Variants in SORCS2 observed in about 807,000 individuals in gnomAD.
The protein encoded by SORCS2 is VPS10 domain-containing receptor SorCS2.
In SORCS2, 100 loss-of-function variants were observed where a neutral mutation model predicts 141.6. The observed-to-expected ratio is 0.71, with a 90% CI of 0.60 to 0.83. The LOEUF (loss-of-function observed/expected upper bound fraction) is 0.83, where lower values mean the gene tolerates loss of function less well. Among genes scored for constraint, SORCS2 ranks in the 40% least tolerant of loss-of-function variants. The pLI, the probability that SORCS2 is intolerant of heterozygous loss-of-function variation, is 0.00. For synonymous variants in SORCS2, 789 were observed against 676.9 expected (o/e 1.17, Z -2.57); for missense variants, 1,646 against 1,560.2 (o/e 1.05, Z -0.93).
chr4:7,287,374 G>T (rs535043952), intron 1 of SORCS2, among the ~76,000 whole-genome samples: 2 of 152,370 alleles, frequency 1.3e-5, no homozygotes, highest in African/African-American at 4.8e-5. Context: ...CGGGTTCTCA[G>T]TCTGGCAGTC....
At chr4:7,235,257 T>C (rs1712185509) in intron 1 of SORCS2, among the ~76,000 whole-genome samples, 1 of 152,228 alleles carries the variant, frequency 6.6e-6, no homozygotes, top group African/African-American at 2.4e-5. Context: ...ACCCTTCTGC[T>C]GCCCGCGCCA....
At chr4:7,672,012 C>A (rs1270753446) in intron 8 of SORCS2, among the ~76,000 whole-genome samples, 1 of 149,510 alleles carries the variant, frequency 6.7e-6, no homozygotes, top group East Asian at 2.0e-4. Context: ...GGTACAATCT[C>A]AGCTCACTGC....
intron 3 of SORCS2, among the ~76,000 whole-genome samples, chr4:7,596,196 C>T (rs1017490685): frequency 6.6e-5 from 10 of 152,088 alleles, no homozygotes; most frequent in African/African-American, 2.4e-4. Context: ...GATTTGTGAG[C>T]CTTGTATAGA....
intron 2 of SORCS2, among the ~76,000 whole-genome samples, chr4:7,526,150 A>G (rs1321590667): frequency 6.6e-6 from 1 of 152,270 alleles, no homozygotes; most frequent in Non-Finnish European, 1.5e-5. Context: ...CCATTCAGGC[A>G]GATTCCACAT....
intron 1 of SORCS2, among the ~76,000 whole-genome samples, chr4:7,247,898 C>G (rs775197355): frequency 1.1e-4 from 16 of 152,188 alleles, no homozygotes; most frequent in African/African-American, 3.6e-4. Flanking sequence ...AGCTCCCACT[C>G]AGATCCTAGG....
chr4:7,576,334 C>T (rs1715750327), intron 3 of SORCS2, among the ~76,000 whole-genome samples: 1 of 152,184 alleles, frequency 6.6e-6, no homozygotes, highest in Non-Finnish European at 1.5e-5. Flanking sequence ...ATAAGAGCAC[C>T]CTTCCAGCAA....
intron 1 of SORCS2, among the ~76,000 whole-genome samples, chr4:7,300,160 G>A (rs2066363376): frequency 1.3e-5 from 2 of 152,162 alleles, no homozygotes; most frequent in South Asian, 2.1e-4. Flanking sequence ...TGCAGGAGCC[G>A]AGCTGGGTTC....
chr4:7,496,859 T>C (rs1427741739), intron 2 of SORCS2, among the ~76,000 whole-genome samples: 2 of 152,104 alleles, frequency 1.3e-5, no homozygotes, highest in African/African-American at 2.4e-5. Flanking sequence ...CGGGCACAAC[T>C]CAGCTTATCA....
At chr4:7,724,823 GC>G in intron 19 of SORCS2, among the ~76,000 whole-genome samples, 3 of 122,532 alleles carry the variant, frequency 2.4e-5, no homozygotes, top group African/African-American at 8.9e-5. Flanking sequence ...GGTGGTGATG[GC>G]AGTGATGATG....
intron 10 of SORCS2, among the ~76,000 whole-genome samples, chr4:7,683,117 C>A (rs983477416): frequency 1.4e-4 from 22 of 152,234 alleles, no homozygotes; most frequent in African/African-American, 5.3e-4. Flanking sequence ...CACAGAATTG[C>A]TGTGCAATAA....
intron 16 of SORCS2, among the ~76,000 whole-genome samples, chr4:7,714,626 AG>A (rs1429063271): frequency 6.6e-6 from 1 of 152,238 alleles, no homozygotes; most frequent in Non-Finnish European, 1.5e-5. Flanking sequence ...GCTCACAGGC[AG>A]GAGGAGAAAG....
At chr4:7,666,674 T>A (rs1179764287) in intron 7 of SORCS2, among the ~76,000 whole-genome samples, 4 of 152,144 alleles carry the variant, frequency 2.6e-5, no homozygotes, top group African/African-American at 9.7e-5. Context: ...TGGGAACAGA[T>A]GCCCATGGCC....
chr4:7,686,533 C>T (rs540184281), intron 10 of SORCS2, among the ~76,000 whole-genome samples: 1 of 152,352 alleles, frequency 6.6e-6, no homozygotes, highest in South Asian at 2.1e-4. Context: ...TCGGTCAACA[C>T]TGGAGCATTC....
chr4:7,312,065 T>G (rs1040425576), intron 1 of SORCS2, among the ~76,000 whole-genome samples: 1 of 151,998 alleles, frequency 6.6e-6, no homozygotes, highest in Non-Finnish European at 1.5e-5. Flanking sequence ...TTAGTAGAGA[T>G]GGAGTTTCAC....
At chr4:7,433,803 C>T (rs1240275633) in intron 2 of SORCS2, 5 of 1,613,612 alleles carry the variant, frequency 3.1e-6, no homozygotes, top group African/African-American at 2.7e-5. Context: ...TGAACTTGCA[C>T]ACCTTCTCTG....
intron 1 of SORCS2, among the ~76,000 whole-genome samples, chr4:7,242,011 C>G (rs114984059): frequency 0.017 from 2,591 of 152,228 alleles, 55 homozygotes; most frequent in African/African-American, 0.058. Flanking sequence ...GCAGAGGCTG[C>G]CGTTTGACTG....
At chr4:7,418,026 A>G (rs966239970) in intron 2 of SORCS2, among the ~76,000 whole-genome samples, 4 of 152,166 alleles carry the variant, frequency 2.6e-5, no homozygotes, top group African/African-American at 9.7e-5. Flanking sequence ...AGCCCTTACC[A>G]GGCACTTGGC....
intron 2 of SORCS2, among the ~76,000 whole-genome samples, chr4:7,520,721 C>T (rs985467001): frequency 3.3e-5 from 5 of 152,218 alleles, no homozygotes; most frequent in South Asian, 2.1e-4. Flanking sequence ...CCTCTGTTGC[C>T]GCCAGCCCTC....
chr4:7,635,498 T>TA (rs1720183462), intron 3 of SORCS2, among the ~76,000 whole-genome samples: 1 of 152,256 alleles, frequency 6.6e-6, no homozygotes, highest in Non-Finnish European at 1.5e-5. Context: ...TTCCCATTGA[T>TA]AAAATTATAC....
Sources: allele counts gnomAD v4.1 joint callset (sites outside exome capture counted in the v4.1 genomes callset), GRCh38; gene constraint gnomAD v4.1.1; transcripts MANE v1.5; gene names NCBI Gene and HGNC (gene_info 2026-07-23, HGNC 2026-07-21).